The following DHX8 variants were observed in gnomAD, a reference collection of about 807,000 sequenced individuals.
DHX8 encodes the protein DEAH-box helicase 8.
In DHX8, 67 loss-of-function variants were observed where a neutral mutation model predicts 140.7. The ratio of observed to expected loss-of-function variants is 0.48; its 90% CI spans 0.39 to 0.58. The LOEUF (loss-of-function observed/expected upper bound fraction) is 0.58, where lower values mean the gene tolerates loss of function less well. DHX8 is among the 20% of genes least tolerant of loss of function. The pLI, the probability that DHX8 is intolerant of heterozygous loss-of-function variation, is 0.00. For synonymous variants in DHX8, 533 were observed against 553.2 expected (o/e 0.96, Z 0.51); for missense variants, 887 against 1,550.7 (o/e 0.57, Z 7.19).
intron 2 of DHX8, among the ~76,000 whole-genome samples, chr17:43,489,928 G>A (rs915887250): frequency 6.6e-6 from 1 of 152,138 alleles, no homozygotes; most frequent in Admixed American, 6.6e-5. Flanking sequence ...ATAGGATTTT[G>A]ATATAGGAAG....
At position 43,508,275 on chromosome 17, in the gene DHX8, T is replaced by C. The variant is rs918899840; in HGVS notation, c.2321-64T>C. 11 of 1,545,628 alleles carry C rather than the reference T, an allele frequency of 7.1e-6. No individual in the cohort carries two copies. In the South Asian group the frequency reaches 1.0e-4, roughly 14 times the overall value. ...ATTTGAAGTTTTATTAATATCACCA[T>C]AGCCCTTGTATAGGACACACATACA... On this transcript the variant is annotated intron_variant, in intron 15 of 22. Coordinates refer to ENST00000262415, the MANE Select transcript of DHX8 (RefSeq NM_004941.3).
Position 43,524,634 on chromosome 17 carries a change from C to G in DHX8, c.*787C>G, listed in dbSNP as rs975332678. 1.7e-5 allele frequency: 17 copies of G among 985,342 alleles called. No homozygotes were observed. The highest frequency in any genetic ancestry group is 1.8e-5 in the Non-Finnish European group (15 of 829,978). The allele number at this position is 985,342 out of a possible 1,614,324, so 61.0% of individuals were successfully genotyped here. A position where few individuals can be genotyped will look rare whatever the true frequency, so the allele number is the denominator to read the frequency against. On this transcript the variant is annotated 3_prime_UTR_variant, in exon 23 of 23. Transcript: ENST00000262415. ...GCACATATTAAATACAGAAGGTTTC[C>G]CCTTGCTCCCTCCACCTCCCACATT...
intron 3 of DHX8, among the ~76,000 whole-genome samples, chr17:43,542,002 C>G (rs1027536697): frequency 6.6e-6 from 1 of 152,154 alleles, no homozygotes; most frequent in Non-Finnish European, 1.5e-5. Context: ...TTCACTCTTG[C>G]AGCAGCAAGA....
At chr17:43,502,476 G>A (rs1289669567) in intron 11 of DHX8, among the ~76,000 whole-genome samples, 1 of 152,158 alleles carries the variant, frequency 6.6e-6, no homozygotes, top group Non-Finnish European at 1.5e-5. Flanking sequence ...CCCAGCTGGA[G>A]TGCAGTGGTG....
At chr17:43,526,176 G>C (rs1387966215), downstream of DHX8, 5 of 985,282 alleles carry the variant, frequency 5.1e-6, no homozygotes, top group Admixed American at 6.1e-5. Flanking sequence ...CTTGCCTGCT[G>C]CTCTCACACA....
At chr17:43,500,162 A>G (rs1246734261) in intron 11 of DHX8, 59 bp downstream of exon 11, 2 of 1,572,872 alleles carry the variant, frequency 1.3e-6, no homozygotes, top group African/African-American at 2.7e-5. Flanking sequence ...TTCAGAACAC[A>G]GGGAGGGGTC....
chr17:43,521,961 C>G (rs1457904192), intron 21 of DHX8, 86 bp from the exon 22 acceptor site: 2 of 1,460,524 alleles, frequency 1.4e-6, no homozygotes, highest in Non-Finnish European at 1.9e-6. Flanking sequence ...TCTGGGCACC[C>G]CAAGATGGAT....
At chr17:43,542,060 G>A (rs1455571833) in intron 3 of DHX8, among the ~76,000 whole-genome samples, 2 of 152,160 alleles carry the variant, frequency 1.3e-5, no homozygotes, top group Non-Finnish European at 2.9e-5. Context: ...CACACATGGG[G>A]TCTTTTTTTG....
chr17:43,498,810 AT>A (rs1384006510), intron 9 of DHX8, 51 bp from the exon 10 acceptor site: 1 of 1,437,226 alleles, frequency 7.0e-7, no homozygotes, highest in Non-Finnish European at 9.6e-7. Context: ...CTTGGTGAAA[AT>A]TGTTATTTTT....
At chr17:43,502,242 C>T (rs1351240485) in intron 11 of DHX8, among the ~76,000 whole-genome samples, 1 of 152,148 alleles carries the variant, frequency 6.6e-6, no homozygotes, top group Non-Finnish European at 1.5e-5. Context: ...AGTTTGGCTG[C>T]ATGTAATAGA....
chr17:43,526,302 T>C, downstream of DHX8: 1 of 1,398,804 alleles, frequency 7.1e-7, no homozygotes, highest in Non-Finnish European at 9.3e-7. Flanking sequence ...TAAAGTATAT[T>C]GTTCACCCCC....
At chr17:43,512,053 G>A (rs944014936) in intron 16 of DHX8, among the ~76,000 whole-genome samples, 2 of 151,922 alleles carry the variant, frequency 1.3e-5, no homozygotes, top group Admixed American at 6.6e-5. Context: ...TTGTGTGGAC[G>A]TATGTTTTCA....
intron 1 of DHX8, among the ~76,000 whole-genome samples, 192 bp from the exon 2 acceptor site, chr17:43,489,257 G>C (rs1169467851): frequency 6.6e-6 from 1 of 152,100 alleles, no homozygotes; most frequent in Non-Finnish European, 1.5e-5. Flanking sequence ...CGCCTGCCTT[G>C]GCCTCCCAGA....
chr17:43,524,393 T>C lies in DHX8; in HGVS notation c.*546T>C. ...GCCTGGGCTCAGGGTGAGGGAGATT[T>C]AGTATCTGTGCTCTGGCACACATGA... On this transcript the variant is annotated 3_prime_UTR_variant, in exon 23 of 23. Coordinates refer to ENST00000262415, the MANE Select transcript of DHX8 (RefSeq NM_004941.3). 1 of 991,802 alleles carries C rather than the reference T, an allele frequency of 1.0e-6. No homozygotes were observed. The highest frequency in any genetic ancestry group is 1.2e-6 in the Non-Finnish European group (1 of 833,968). 61.4% of individuals were successfully genotyped at this position (991,802 alleles called of 1,614,324 possible).
intron 1 of DHX8, among the ~76,000 whole-genome samples, chr17:43,486,211 A>C (rs552478211): frequency 6.6e-6 from 1 of 151,854 alleles, no homozygotes; most frequent in Admixed American, 6.6e-5. Context: ...AAAAAAAAGT[A>C]CTAATATTGG....
In DHX8 at chr17:43,508,599, G is replaced by T. The variant is rs1292035574; in HGVS notation, c.2502+79G>T. The T allele has an allele frequency of 6.4e-6, 6 of 933,586 alleles. No homozygotes were observed. The African/African-American group carries it at 6.7e-5, about 10-fold the overall frequency. 57.8% of individuals were successfully genotyped at this position (933,586 alleles called of 1,614,324 possible). ...CAGCCTGTCAGCCATAGTAGGGATT[G>T]CTTAGGGTGTATGCAAGTCTTTTTT... is the stretch of plus-strand genomic sequence containing the variant. On this transcript the variant is annotated intron_variant, in intron 16 of 22. Transcript: ENST00000262415.
intron 19 of DHX8, 37 bp downstream of exon 19, chr17:43,520,304 G>T: frequency 6.2e-7 from 1 of 1,606,900 alleles, no homozygotes; most frequent in Non-Finnish European, 8.5e-7. Context: ...CTTTTGGGAA[G>T]ATTCCCTGGT....
chr17:43,506,006 T>TGC (rs1969475500), intron 12 of DHX8, among the ~76,000 whole-genome samples: 2 of 152,004 alleles, frequency 1.3e-5, no homozygotes, highest in South Asian at 4.2e-4. Flanking sequence ...GATTTGTGTG[T>TGC]GTGTGTGTGT....
At chr17:43,508,070 A>G (rs1315108170) in intron 15 of DHX8, 51 bp downstream of exon 15, 5 of 1,558,524 alleles carry the variant, frequency 3.2e-6, no homozygotes, top group Non-Finnish European at 3.5e-6. Flanking sequence ...TTTCCCTCTT[A>G]GGCCAAAAGT....
Sources: gnomAD v4.1 joint callset for allele counts (sites outside exome capture counted in the v4.1 genomes callset) on GRCh38, gnomAD v4.1.1 for gene constraint, MANE v1.5 for transcripts, NCBI Gene and HGNC (gene_info 2026-07-23, HGNC 2026-07-21) for gene names.